EXOC6B: variants seen among roughly 807,000 people sequenced by gnomAD.
EXOC6B encodes the protein SEC15 homolog B.
In EXOC6B, 54 loss-of-function variants were observed where a neutral mutation model predicts 113.5. The ratio of observed to expected loss-of-function variants is 0.48; its 90% confidence interval spans 0.38 to 0.60. EXOC6B has a LOEUF of 0.60. Ranked by LOEUF, EXOC6B falls within the 20% of genes least tolerant of loss-of-function variation. The pLI, the probability that EXOC6B is intolerant of heterozygous loss-of-function variation, is 0.00. For synonymous variants in EXOC6B, 357 were observed against 339.0 expected (o/e 1.05, Z -0.58); for missense variants, 797 against 977.5 (o/e 0.82, Z 2.46).
intron 20 of EXOC6B, among the ~76,000 whole-genome samples, chr2:72,235,164 T>C (rs1559044143): frequency 1.3e-5 from 2 of 152,060 alleles, no homozygotes; most frequent in African/African-American, 2.4e-5. Context: ...CCATCAACAG[T>C]AGACTGGATA....
chr2:72,224,170 A>G (rs66888584), intron 20 of EXOC6B, among the ~76,000 whole-genome samples: 35,299 of 152,050 alleles, frequency 0.23, 7,167 homozygotes, highest in African/African-American at 0.55. Context: ...GGAAATAGGC[A>G]ACAAAGCAAT....
chr2:72,772,187 C>T (rs552866704), intron 1 of EXOC6B, among the ~76,000 whole-genome samples: 1 of 152,284 alleles, frequency 6.6e-6, no homozygotes, highest in South Asian at 2.1e-4. Flanking sequence ...GATATGAGCA[C>T]CCTACTTCAC....
At chr2:72,277,874 C>T (rs1427371208) in intron 20 of EXOC6B, among the ~76,000 whole-genome samples, 2 of 152,040 alleles carry the variant, frequency 1.3e-5, no homozygotes, top group Non-Finnish European at 2.9e-5. Flanking sequence ...ATTATCATCT[C>T]CATTCTGTAA....
intron 7 of EXOC6B, among the ~76,000 whole-genome samples, chr2:72,570,444 T>C (rs2103785125): frequency 6.6e-6 from 1 of 152,330 alleles, no homozygotes; most frequent in African/African-American, 2.4e-5. Flanking sequence ...AGGCTTTCTA[T>C]TACATGGCAT....
intron 18 of EXOC6B, among the ~76,000 whole-genome samples, chr2:72,422,961 GC>G (rs1694989528): frequency 6.6e-6 from 1 of 152,300 alleles, no homozygotes; most frequent in African/African-American, 2.4e-5. Flanking sequence ...AAAGCAGGCT[GC>G]CCGAGCCAGC....
intron 8 of EXOC6B, among the ~76,000 whole-genome samples, chr2:72,558,037 CAA>C (rs60676600): frequency 1.2e-3 from 178 of 147,306 alleles, no homozygotes; most frequent in Middle Eastern, 6.9e-3. Flanking sequence ...TTTATAAAAC[CAA>C]AAAAAAAAAA....
At chr2:72,630,436 A>T (rs945278766) in intron 6 of EXOC6B, among the ~76,000 whole-genome samples, 1 of 152,214 alleles carries the variant, frequency 6.6e-6, no homozygotes, top group African/African-American at 2.4e-5. Flanking sequence ...GATTAACAGT[A>T]ACTAACTCCC....
At chr2:72,367,923 G>A (rs953370352) in intron 19 of EXOC6B, among the ~76,000 whole-genome samples, 2 of 152,166 alleles carry the variant, frequency 1.3e-5, no homozygotes, top group African/African-American at 4.8e-5. Flanking sequence ...CATTGCCACA[G>A]GCCAACATGC....
rs368121872 is a variant in EXOC6B at position 72,514,855 on chromosome 2, T to C, written c.1000-175A>G. ...AATATGACAGCACATATCTAGTACT[T>C]AGAACAGTGCCAGACACACAGCAAT... On this transcript the variant is annotated intron_variant, in intron 9 of 21. Transcript: ENST00000272427. Among the ~76,000 whole-genome samples the C allele has an allele frequency of 6.6e-5, 10 of 151,894 alleles. No individual in the cohort carries two copies. The East Asian group carries it at 1.2e-3, about 18-fold the overall frequency.
rs535782084 is a variant in EXOC6B at position 72,775,092 on chromosome 2, T to G, written c.114-33623A>C. On this transcript the variant is annotated intron_variant, in intron 1 of 21. Coordinates refer to ENST00000272427, the MANE Select transcript of EXOC6B (RefSeq NM_015189.3). ...CCATGTCCCCTTCAGACATGCCACC[T>G]TCCCAGCAACTCAATGTGTTCACCA... Among the ~76,000 whole-genome samples the G allele has an allele frequency of 4.6e-4, 70 of 152,232 alleles. No individual in the cohort carries two copies. The Middle Eastern group carries it at 0.017, about 37-fold the overall frequency.
At chr2:72,433,266 T>C (rs1695655788) in intron 18 of EXOC6B, among the ~76,000 whole-genome samples, 1 of 70,340 alleles carries the variant, frequency 1.4e-5, no homozygotes, top group African/African-American at 5.3e-4. Context: ...CCATTGGTCT[T>C]ATATCTGTTT....
chr2:72,622,765 A>T (rs1451914850), intron 6 of EXOC6B, among the ~76,000 whole-genome samples: 1 of 151,860 alleles, frequency 6.6e-6, no homozygotes, highest in Non-Finnish European at 1.5e-5. Context: ...ATATGAAAAC[A>T]TCATTAGTTA....
intron 19 of EXOC6B, among the ~76,000 whole-genome samples, chr2:72,364,803 G>A (rs1690519376): frequency 6.6e-6 from 1 of 152,070 alleles, no homozygotes; most frequent in Non-Finnish European, 1.5e-5. Flanking sequence ...ATCCAATCTT[G>A]TAGTTGATCA....
At chr2:72,643,807 T>C (rs1558874512) in intron 6 of EXOC6B, among the ~76,000 whole-genome samples, 1 of 146,010 alleles carries the variant, frequency 6.8e-6, no homozygotes, top group Non-Finnish European at 1.5e-5. Flanking sequence ...TAAAAAAAAT[T>C]AAAAAATAAA....
At chr2:72,390,032 C>T (rs1398219883) in intron 18 of EXOC6B, among the ~76,000 whole-genome samples, 3 of 152,092 alleles carry the variant, frequency 2.0e-5, no homozygotes, top group South Asian at 2.1e-4. Context: ...TTGCAGTGAG[C>T]CGAGATCGCA....
intron 6 of EXOC6B, among the ~76,000 whole-genome samples, chr2:72,692,110 T>C (rs1398372582): frequency 1.3e-5 from 2 of 152,158 alleles, no homozygotes; most frequent in African/African-American, 4.8e-5. Context: ...AGGTAATCTT[T>C]CACACATAGA....
chr2:72,573,569 T>C (rs1314012940), intron 7 of EXOC6B, among the ~76,000 whole-genome samples: 2 of 152,206 alleles, frequency 1.3e-5, no homozygotes, highest in Non-Finnish European at 2.9e-5. Context: ...AGTTGGTTCA[T>C]TTTACTTTAA....
At chr2:72,767,291 T>G (rs1317254260) in intron 1 of EXOC6B, among the ~76,000 whole-genome samples, 5 of 150,990 alleles carry the variant, frequency 3.3e-5, no homozygotes, top group Admixed American at 1.3e-4. Flanking sequence ...ATTAGCAGGG[T>G]GTAGTGCCGG....
intron 5 of EXOC6B, among the ~76,000 whole-genome samples, chr2:72,725,858 C>T (rs1680270085): frequency 6.6e-6 from 1 of 152,052 alleles, no homozygotes; most frequent in Non-Finnish European, 1.5e-5. Context: ...ACCATGCGAC[C>T]CAGAAATTCT....
Sources: gnomAD v4.1 joint callset for allele counts (sites outside exome capture counted in the v4.1 genomes callset) on GRCh38, gnomAD v4.1.1 for gene constraint, MANE v1.5 for transcripts, NCBI Gene and HGNC (gene_info 2026-07-23, HGNC 2026-07-21) for gene names.